The following STS variants were observed in gnomAD, a reference collection of about 807,000 sequenced individuals.
The protein encoded by STS is steroid sulfatase, also known as steryl-sulfatase.
Under a neutral mutation model 26.8 loss-of-function variants are expected in STS, and 7 were observed. The ratio of observed to expected loss-of-function variants is 0.26; its 90% CI spans 0.15 to 0.49. STS has a LOEUF of 0.49. Among genes scored for constraint, STS ranks in the 20% least tolerant of loss-of-function variants. The pLI, the probability that STS is intolerant of heterozygous loss-of-function variation, is 0.98. For missense variants in STS, 434 were observed against 465.6 expected, an observed-to-expected ratio of 0.93 and a Z score of 0.63; for synonymous variants, 199 against 189.4, an observed-to-expected ratio of 1.05 and a Z score of -0.42.
At chrX:7,212,526 C>T (rs192666723) in intron 2 of STS, among the ~76,000 whole-genome samples, 2 of 111,571 alleles carry the variant, frequency 1.8e-5, no homozygotes, top group South Asian at 3.8e-4. Flanking sequence ...ATACTAGGGA[C>T]GCTAAAAGTT....
chrX:7,319,888 A>G (rs1926881290), intron 8 of STS, among the ~76,000 whole-genome samples: 1 of 102,481 alleles, frequency 9.8e-6, no homozygotes, highest in Non-Finnish European at 2.0e-5. Context: ...CAGTCAGCAC[A>G]TAACTGAAGT....
intron 8 of STS, among the ~76,000 whole-genome samples, chrX:7,324,620 G>T (rs1383700074): frequency 9.0e-6 from 1 of 111,249 alleles, no homozygotes; most frequent in African/African-American, 3.3e-5. Flanking sequence ...TCAGTCTTAA[G>T]GTCTGTGTTT....
chrX:7,312,812 A>T (rs1268000788), intron 8 of STS, among the ~76,000 whole-genome samples: 1 of 112,170 alleles, frequency 8.9e-6, no homozygotes, highest in Non-Finnish European at 1.9e-5. Context: ...ATATTTCTTC[A>T]TAGAAGTATG....
At chrX:7,204,904 G>GCT (rs780902699) in intron 2 of STS, among the ~76,000 whole-genome samples, 1 of 101,444 alleles carries the variant, frequency 9.9e-6, no homozygotes, top group African/African-American at 3.7e-5. Flanking sequence ...TCCCTCCTTC[G>GCT]CTCTCTCTCT....
At chrX:7,207,435 G>T (rs1425704047) in intron 2 of STS, among the ~76,000 whole-genome samples, 1 of 112,277 alleles carries the variant, frequency 8.9e-6, no homozygotes, top group Non-Finnish European at 1.9e-5. Context: ...GAGAATGGTG[G>T]TTAAGCTTTA....
At chrX:7,300,681 C>T (rs1925921249) in intron 7 of STS, among the ~76,000 whole-genome samples, 1 of 111,168 alleles carries the variant, frequency 9.0e-6, no homozygotes, top group South Asian at 3.8e-4. Context: ...AATATTCTAC[C>T]ATGCATACGT....
chrX:7,176,326 T>C (rs1933569755), intron 1 of STS, among the ~76,000 whole-genome samples: 2 of 111,172 alleles, frequency 1.8e-5, no homozygotes, highest in Non-Finnish European at 3.8e-5. Context: ...TAGAAGAAAG[T>C]TGATTAGGAA....
At chrX:7,232,142 A>G (rs1433601856) in intron 2 of STS, among the ~76,000 whole-genome samples, 2 of 111,638 alleles carry the variant, frequency 1.8e-5, no homozygotes, top group African/African-American at 6.5e-5. Flanking sequence ...GGAAATTTTT[A>G]GGAAAACTTG....
chrX:7,216,656 A>G (rs1280083399), intron 2 of STS, among the ~76,000 whole-genome samples: 1 of 111,657 alleles, frequency 9.0e-6, no homozygotes. Flanking sequence ...GCTCACTCAG[A>G]CTGAGGATGG....
chrX:7,155,992 A>T (rs187935510), intron 1 of STS, among the ~76,000 whole-genome samples: 6 of 110,204 alleles, frequency 5.4e-5, no homozygotes, highest in African/African-American at 2.0e-4. Flanking sequence ...CTACAAAAAA[A>T]ATACAAAAAT....
intron 7 of STS, among the ~76,000 whole-genome samples, chrX:7,288,441 T>C (rs993041169): frequency 3.6e-5 from 4 of 110,985 alleles, no homozygotes; most frequent in Non-Finnish European, 7.5e-5. Flanking sequence ...CTCAAAATGC[T>C]CCAATGAGCA....
intron 1 of STS, among the ~76,000 whole-genome samples, chrX:7,171,139 G>A (rs1933459336): frequency 9.0e-6 from 1 of 111,477 alleles, no homozygotes; most frequent in African/African-American, 3.3e-5. Flanking sequence ...CCACCTGTTG[G>A]TAGCTCTCTG....
At chrX:7,320,306 T>A (rs1926967731) in intron 8 of STS, among the ~76,000 whole-genome samples, 1 of 108,086 alleles carries the variant, frequency 9.3e-6, no homozygotes, top group African/African-American at 3.4e-5. Flanking sequence ...ATGGTGTATT[T>A]GTCAAAATTA....
In STS at chrX:7,197,255, T is replaced by A. The variant is rs747819081; in HGVS notation, c.-5+6247T>A. On this transcript the variant is annotated intron_variant, in intron 2 of 10. Coordinates refer to ENST00000674429, the MANE Select transcript of STS (RefSeq NM_001320752.2). ...GTGATTATTTGTCCAATATTGATTA[T>A]TTGAATAAGATCTGACTTTGCAAAC... Among the ~76,000 whole-genome samples the A allele has an allele frequency of 2.2e-3, 248 of 111,846 alleles. 1 individual carries two copies. The highest frequency in any genetic ancestry group is 3.9e-3 in the Non-Finnish European group (208 of 53,165).
At chrX:7,188,460 T>C (rs187330829) in intron 1 of STS, among the ~76,000 whole-genome samples, 173 of 112,255 alleles carry the variant, frequency 1.5e-3, no homozygotes, top group African/African-American at 5.2e-3. Context: ...TTTCTACATA[T>C]CACCTTCTGT....
intron 2 of STS, among the ~76,000 whole-genome samples, chrX:7,235,270 C>T (rs1325749495): frequency 9.0e-6 from 1 of 111,407 alleles, no homozygotes; most frequent in Non-Finnish European, 1.9e-5. Context: ...CATAATGGGC[C>T]TTCTGGATCT....
chrX:7,210,576 T>C (rs1921001389), intron 2 of STS, among the ~76,000 whole-genome samples: 1 of 107,350 alleles, frequency 9.3e-6, no homozygotes, highest in Non-Finnish European at 1.9e-5. Context: ...TAAATTGATG[T>C]ATTTATATTT....
intron 1 of STS, among the ~76,000 whole-genome samples, chrX:7,188,506 C>T (rs1288307429): frequency 2.7e-5 from 3 of 112,128 alleles, no homozygotes; most frequent in Non-Finnish European, 5.6e-5. Flanking sequence ...GGTGAGAACC[C>T]ATCTCATACT....
intron 8 of STS, among the ~76,000 whole-genome samples, chrX:7,322,473 T>G (rs1927084630): frequency 8.9e-6 from 1 of 111,889 alleles, no homozygotes; most frequent in Non-Finnish European, 1.9e-5. Context: ...AGATCTTGGC[T>G]CACTGCAACC....
Sources: allele counts gnomAD v4.1 joint callset (sites outside exome capture counted in the v4.1 genomes callset), GRCh38; gene constraint gnomAD v4.1.1; transcripts MANE v1.5; gene names NCBI Gene and HGNC (gene_info 2026-07-23, HGNC 2026-07-21).